The following CAMTA1 variants were observed in gnomAD, a reference collection of about 807,000 sequenced individuals.
CAMTA1 encodes calmodulin binding transcription activator 1.
CAMTA1 carries 27 observed loss-of-function variants against 170.9 expected under a neutral mutation model. The ratio of observed to expected loss-of-function variants is 0.16; its 90% CI spans 0.12 to 0.22. The LOEUF is 0.22. Among genes scored for constraint, CAMTA1 ranks in the 10% least tolerant of loss-of-function variants. CAMTA1 has a pLI of 1.00. For synonymous variants in CAMTA1, 833 were observed against 891.5 expected, an observed-to-expected ratio of 0.93 and a Z score of 1.17; for missense variants, 1,619 against 2,217.2, an observed-to-expected ratio of 0.73 and a Z score of 5.42.
In CAMTA1 at chr1:7,245,477, T is replaced by G. The variant is rs536739718; in HGVS notation, c.303-4014T>G. 5.9e-5 allele frequency among the ~76,000 whole-genome samples: 9 copies of G among 152,068 alleles called. No individual in the cohort carries two copies. The South Asian group carries it at 1.9e-3, about 32-fold the overall frequency. ...TAGATATTATATATATACGATATCT[T>G]TCTTGGCTAGATAATTAAAATATAA... On this transcript the variant is annotated intron_variant, in intron 4 of 22. Transcript: ENST00000303635.
intron 5 of CAMTA1, among the ~76,000 whole-genome samples, chr1:7,387,339 C>T (rs1314052696): frequency 6.6e-6 from 1 of 152,178 alleles, no homozygotes; most frequent in African/African-American, 2.4e-5. Flanking sequence ...ACAGCCACCC[C>T]AACCAGGAGA....
chr1:7,306,735 A>G (rs1675645014), intron 5 of CAMTA1, among the ~76,000 whole-genome samples: 1 of 151,824 alleles, frequency 6.6e-6, no homozygotes, highest in South Asian at 2.1e-4. Context: ...GAAACTGGAA[A>G]CCTTTCCTAT....
At chr1:7,360,234 T>C (rs1166572836) in intron 5 of CAMTA1, among the ~76,000 whole-genome samples, 1 of 152,190 alleles carries the variant, frequency 6.6e-6, no homozygotes, top group Non-Finnish European at 1.5e-5. Flanking sequence ...AGGTTAGGAC[T>C]TAGCATGTAA....
At chr1:7,567,639 T>G (rs552604029) in intron 6 of CAMTA1, among the ~76,000 whole-genome samples, 2 of 152,212 alleles carry the variant, frequency 1.3e-5, no homozygotes, top group African/African-American at 4.8e-5. Context: ...TATCCACATG[T>G]GAATCACCCA....
chr1:6,883,959 T>C (rs973451177), intron 3 of CAMTA1, among the ~76,000 whole-genome samples: 1 of 152,150 alleles, frequency 6.6e-6, no homozygotes, highest in Non-Finnish European at 1.5e-5. Flanking sequence ...TGGTATGAAG[T>C]CTTTGAAATT....
At chr1:6,896,838 G>A (rs1179956739) in intron 3 of CAMTA1, among the ~76,000 whole-genome samples, 3 of 152,180 alleles carry the variant, frequency 2.0e-5, no homozygotes, top group Admixed American at 2.0e-4. Context: ...CTGGATTGTA[G>A]AACTCAGGAG....
At chr1:7,754,702 C>T (rs900571589) in intron 21 of CAMTA1, among the ~76,000 whole-genome samples, 1 of 152,112 alleles carries the variant, frequency 6.6e-6, no homozygotes, top group East Asian at 1.9e-4. Context: ...ACATCAGATA[C>T]GGGCTCTGGA....
intron 6 of CAMTA1, among the ~76,000 whole-genome samples, chr1:7,568,106 C>T (rs2095065953): frequency 6.6e-6 from 1 of 152,070 alleles, no homozygotes; most frequent in African/African-American, 2.4e-5. Context: ...TCATCATCAC[C>T]ACCACCATCT....
intron 3 of CAMTA1, among the ~76,000 whole-genome samples, chr1:6,855,638 G>A (rs1662038535): frequency 6.6e-6 from 1 of 152,052 alleles, no homozygotes; most frequent in African/African-American, 2.4e-5. Context: ...ATTACAGTGT[G>A]GACATGAGAT....
rs751561692 is a variant in CAMTA1 at position 6,971,241 on chromosome 1, T to C, written c.235-120063T>C. On this transcript the variant is annotated intron_variant, in intron 3 of 22. Transcript: ENST00000303635. The surrounding 1 kb of genome is among the most constrained non-coding windows in gnomAD (Gnocchi z 4.6). Reference sequence around the variant, plus strand: ...CATGCTCCCCACTCCTGATGAGTAATTACACGTGGCTGTCTGGGAGTGGGA... The same window carrying C: ...CATGCTCCCCACTCCTGATGAGTAACTACACGTGGCTGTCTGGGAGTGGGA... Among the ~76,000 whole-genome samples the C allele has an allele frequency of 6.6e-6, 1 of 152,186 alleles. No individual in the cohort carries two copies. Among genetic ancestry groups the C allele is most frequent in the Admixed American group, 6.5e-5 (1 of 15,276 alleles).
chr1:7,223,300 A>C (rs1661144219), intron 4 of CAMTA1, among the ~76,000 whole-genome samples: 1 of 152,108 alleles, frequency 6.6e-6, no homozygotes, highest in African/African-American at 2.4e-5. Flanking sequence ...GCAGGAGAGG[A>C]TAGAGACAAT....
chr1:7,766,071 C>A (rs550584671), intron 22 of CAMTA1, among the ~76,000 whole-genome samples: 195 of 151,790 alleles, frequency 1.3e-3, no homozygotes, highest in African/African-American at 4.4e-3. Flanking sequence ...TACAGTTTCC[C>A]TAATTTACAT....
intron 5 of CAMTA1, among the ~76,000 whole-genome samples, chr1:7,258,719 T>G (rs1490978032): frequency 6.6e-6 from 1 of 152,248 alleles, no homozygotes; most frequent in Admixed American, 6.5e-5. Flanking sequence ...TCATCAAATA[T>G]TGATCCTCTC....
rs7536178 is a variant in CAMTA1 at position 7,067,996 on chromosome 1, G to A, written c.235-23308G>A. Among the ~76,000 whole-genome samples the A allele has an allele frequency of 0.29, 43,700 of 152,078 alleles. 6,426 individuals carry two copies. Among genetic ancestry groups the A allele is most frequent in the East Asian group, 0.35 (1,819 of 5,168 alleles). On this transcript the variant is annotated intron_variant, in intron 3 of 22. Coordinates refer to ENST00000303635, the MANE Select transcript of CAMTA1 (RefSeq NM_015215.4). This position sits in a 1 kb window ranked among gnomAD's most constrained non-coding sequence, Gnocchi z 4.3. Reference sequence around the variant, plus strand: ...TATGGGAGGCCGCTATGGTCACCTTGCAGCCATGTGGGTCCAGCCCAAGGT... The same window carrying A: ...TATGGGAGGCCGCTATGGTCACCTTACAGCCATGTGGGTCCAGCCCAAGGT...
At chr1:6,952,650 T>A (rs1688710342) in intron 3 of CAMTA1, among the ~76,000 whole-genome samples, 1 of 151,886 alleles carries the variant, frequency 6.6e-6, no homozygotes, top group Non-Finnish European at 1.5e-5. Context: ...CTGGCCAACA[T>A]GGCGAAACCC....
At chr1:7,602,348 A>C (rs1416137303) in intron 6 of CAMTA1, among the ~76,000 whole-genome samples, 1 of 152,018 alleles carries the variant, frequency 6.6e-6, no homozygotes, top group African/African-American at 2.4e-5. Context: ...TTATTGGTCT[A>C]TTCAGAGATT....
rs1019055811 is a variant in CAMTA1, at chr1:7,192,773, G to C, written c.303-56718G>C. On this transcript the variant is annotated intron_variant, in intron 4 of 22. Coordinates refer to ENST00000303635, the MANE Select transcript of CAMTA1 (RefSeq NM_015215.4). Reference sequence around the variant, plus strand: ...CTAGTGGGATTATGTAGGTTACATTGTGAGTCAATGACAGGGTTAGGATCT... The same window carrying C: ...CTAGTGGGATTATGTAGGTTACATTCTGAGTCAATGACAGGGTTAGGATCT... Among the ~76,000 whole-genome samples, 22 of 152,218 alleles carry C rather than the reference G, an allele frequency of 1.4e-4. 1 individual carries two copies. The highest frequency in any genetic ancestry group is 5.3e-4 in the African/African-American group (22 of 41,470).
intron 3 of CAMTA1, among the ~76,000 whole-genome samples, chr1:7,054,137 G>A (rs545384646): frequency 7.9e-4 from 120 of 152,296 alleles, no homozygotes; most frequent in Non-Finnish European, 1.4e-3. Flanking sequence ...GGTCCCCTGG[G>A]CCTGCCCACT....
intron 3 of CAMTA1, among the ~76,000 whole-genome samples, chr1:6,925,046 C>T (rs1380622005): frequency 1.3e-5 from 2 of 152,228 alleles, no homozygotes; most frequent in African/African-American, 2.4e-5. Context: ...GGCCTTGGAG[C>T]CTTGAGGAGG....
Sources: gnomAD v4.1 joint callset for allele counts (sites outside exome capture counted in the v4.1 genomes callset) on GRCh38, gnomAD v4.1.1 for gene constraint, Gnocchi (gnomAD v3.1) non-coding constraint, MANE v1.5 for transcripts, NCBI Gene and HGNC (gene_info 2026-07-23, HGNC 2026-07-21) for gene names.